Variants in IFNAR1 observed in about 807,000 individuals in gnomAD.
IFNAR1 encodes interferon alpha and beta receptor subunit 1.
Under a neutral mutation model 62.1 loss-of-function variants are expected in IFNAR1, and 47 were observed. That is an observed-to-expected ratio of 0.76 (90% CI 0.60 to 0.97). The LOEUF (loss-of-function observed/expected upper bound fraction) is 0.97, where lower values mean the gene tolerates loss of function less well. Among genes scored for constraint, IFNAR1 ranks in the 50% least tolerant of loss-of-function variants. IFNAR1 has a pLI of 0.00. For synonymous variants in IFNAR1, 219 were observed against 226.9 expected (o/e 0.97, Z 0.31); for missense variants, 638 against 654.5 (o/e 0.97, Z 0.27).
intron 2 of IFNAR1, among the ~76,000 whole-genome samples, chr21:33,336,012 C>T (rs1027515281): frequency 2.1e-5 from 3 of 145,330 alleles, no homozygotes; most frequent in African/African-American, 5.1e-5. Flanking sequence ...CATGCTGGTG[C>T]GCTGCACCCA....
In IFNAR1 at chr21:33,356,549, T is replaced by C. The variant is rs1231097879; in HGVS notation, c.*1000T>C. ...ATTAAAGCCAGGCAATCTTTTACTATGCATTAAGACCTCTGATTCAAAACT... is the reference window on the plus strand; with the variant it reads ...ATTAAAGCCAGGCAATCTTTTACTACGCATTAAGACCTCTGATTCAAAACT... On this transcript the variant is annotated 3_prime_UTR_variant, in exon 11 of 11. Transcript: ENST00000270139. 6.6e-6 allele frequency: 1 copy of C among 152,224 alleles called. No homozygotes were observed. The highest frequency in any genetic ancestry group is 1.5e-5 in the Non-Finnish European group (1 of 68,036). 9.4% of individuals were successfully genotyped at this position (152,224 alleles called of 1,614,324 possible). A position where few individuals can be genotyped will look rare whatever the true frequency, so the allele number is the denominator to read the frequency against.
At chr21:33,348,044 AAG>A (rs2123258826) in intron 6 of IFNAR1, among the ~76,000 whole-genome samples, 2 of 152,284 alleles carry the variant, frequency 1.3e-5, no homozygotes, top group East Asian at 3.9e-4. Context: ...GGAGACACTA[AAG>A]AGAGATAAGG....
chr21:33,348,946 T>G, intron 6 of IFNAR1, 145 bp from the exon 7 acceptor site: 1 of 570,068 alleles, frequency 1.8e-6, no homozygotes, highest in Non-Finnish European at 3.1e-6. Context: ...TTCTTTTATG[T>G]TAGATGCATA....
chr21:33,328,125 TTTTG>T (rs1320557849), intron 1 of IFNAR1, among the ~76,000 whole-genome samples: 8 of 152,190 alleles, frequency 5.3e-5, no homozygotes, highest in Non-Finnish European at 7.3e-5. Flanking sequence ...CTTTCTGTTT[TTTTG>T]TTTGTTTGTT....
chr21:33,334,158 A>G (rs181581553), intron 1 of IFNAR1, among the ~76,000 whole-genome samples: 2 of 152,292 alleles, frequency 1.3e-5, no homozygotes, highest in African/African-American at 2.4e-5. Context: ...TGTACCCAAC[A>G]CCAGAGCACC....
Position 33,340,517 on chromosome 21 carries a change from C to G in IFNAR1, c.201-482C>G, listed in dbSNP as rs150553061. ...AGGACTGTGGGCATGTGCCACCATG[C>G]CCTGCTTTGCCTTTTTTTTTTTTTA... On this transcript the variant is annotated intron_variant, in intron 2 of 10. Transcript: ENST00000270139. Among the ~76,000 whole-genome samples the G allele has an allele frequency of 7.2e-5, 11 of 151,776 alleles. No individual in the cohort carries two copies. The East Asian group carries it at 2.1e-3, about 29-fold the overall frequency.
chr21:33,345,312 A>G lies in IFNAR1; in HGVS notation c.740A>G (p.Lys247Arg). 6.2e-7 allele frequency: 1 copy of G among 1,607,694 alleles called. No homozygotes were observed. Among genetic ancestry groups the G allele is most frequent in the Non-Finnish European group, 8.5e-7 (1 of 1,174,646 alleles). The change falls in exon 6 of 11, where the codon AAA becomes AGA. Residue 247 changes from lysine (K) to arginine (R), a missense_variant. By Grantham distance (26) the Lys-to-Arg change is conservative. Coordinates refer to ENST00000270139, the MANE Select transcript of IFNAR1 (RefSeq NM_000629.3). The part of the protein sequence containing the change: ...VSVQNQNYVL[K>R]WDYTYANMTF... ...GTCCAAAATCAGAACTATGTTCTTA[A>G]ATGGGATTATACATATGCAAACATG...
At chr21:33,352,944 C>T (rs766274689) in intron 9 of IFNAR1, 36 bp downstream of exon 9, 31 of 1,487,056 alleles carry the variant, frequency 2.1e-5, no homozygotes, top group Non-Finnish European at 1.1e-5. Context: ...AAAAATGTAG[C>T]TAGACATAAT....
chr21:33,345,282 T>C lies in IFNAR1; in HGVS notation c.710T>C (p.Val237Ala). 1 of 1,602,832 alleles carries C rather than the reference T, an allele frequency of 6.2e-7. No homozygotes were observed. Among genetic ancestry groups the C allele is most frequent in the Non-Finnish European group, 8.5e-7 (1 of 1,170,662 alleles). Residue 237 changes from valine (V) to alanine (A), a missense_variant, in exon 6 of 11, where the codon GTC (valine) becomes GCC (alanine). Val to Ala is a moderately conservative substitution (Grantham distance 64, BLOSUM62 0). Coordinates refer to ENST00000270139, the MANE Select transcript of IFNAR1 (RefSeq NM_000629.3). ...CTACCTCCACCAGAAAATATAGAAGTCAGTGTCCAAAATCAGAACTATGTT... is the reference window on the plus strand; with the variant it reads ...CTACCTCCACCAGAAAATATAGAAGCCAGTGTCCAAAATCAGAACTATGTT... ...NELPPPENIE[V>A]SVQNQNYVLK...
chr21:33,325,277 C>T (rs1202947233), intron 1 of IFNAR1, 146 bp downstream of exon 1: 3 of 706,108 alleles, frequency 4.2e-6, no homozygotes, highest in African/African-American at 1.8e-5. Flanking sequence ...TTAAACCCGA[C>T]CTGGGCTCGC....
Position 33,345,228 on chromosome 21 carries a change from C to A in IFNAR1, c.674-18C>A. 8.4e-7 allele frequency: 1 copy of A among 1,189,270 alleles called. No homozygotes were observed. The highest frequency in any genetic ancestry group is 1.2e-6 in the Non-Finnish European group (1 of 806,698). 73.7% of individuals were successfully genotyped at this position (1,189,270 alleles called of 1,614,324 possible). Reference sequence around the variant, plus strand: ...AGTAAAAATGTGTGCTTTTTTTTATCTGTTCTTTGGCTTCTAGTTGAAAAT... The same window carrying A: ...AGTAAAAATGTGTGCTTTTTTTTATATGTTCTTTGGCTTCTAGTTGAAAAT... On this transcript the variant is annotated intron_variant, in intron 5 of 10. Transcript: ENST00000270139.
chr21:33,333,190 G>A (rs2083197791), intron 1 of IFNAR1, among the ~76,000 whole-genome samples: 1 of 152,220 alleles, frequency 6.6e-6, no homozygotes, highest in Non-Finnish European at 1.5e-5. Flanking sequence ...TGCAGAAGAG[G>A]ATGGGATGAT....
chr21:33,332,886 T>C (rs2083195357), intron 1 of IFNAR1, among the ~76,000 whole-genome samples: 1 of 152,182 alleles, frequency 6.6e-6, no homozygotes, highest in Non-Finnish European at 1.5e-5. Context: ...ACGTTCATAC[T>C]ATGTAAGTTA....
At chr21:33,348,294 T>C (rs2083367747) in intron 6 of IFNAR1, among the ~76,000 whole-genome samples, 1 of 152,212 alleles carries the variant, frequency 6.6e-6, no homozygotes, top group African/African-American at 2.4e-5. Context: ...TTTTATGATA[T>C]AAATATTCCC....
chr21:33,354,554 C>CT (rs202099507), intron 10 of IFNAR1, among the ~76,000 whole-genome samples: 6,911 of 152,100 alleles, frequency 0.045, 539 homozygotes, highest in African/African-American at 0.16. Context: ...AAACATGAGA[C>CT]TTTTTTTATG....
Position 33,352,823 on chromosome 21 carries a change from T to C in IFNAR1, c.1209T>C (p.Cys403=). ...ATTTGAAACCACTGACTGTATATTG[T>C]GTGAAAGCCAGAGCACACACCATGG... The part of the protein sequence containing the change: ...VPNLKPLTVY[C]VKARAHTMDE... Residue 403 remains cysteine, a synonymous_variant, in exon 9 of 11, where the codon TGT becomes TGC. Coordinates refer to ENST00000270139, the MANE Select transcript of IFNAR1 (RefSeq NM_000629.3). 6.3e-7 allele frequency: 1 copy of C among 1,599,014 alleles called. No individual in the cohort carries two copies. The highest frequency in any genetic ancestry group is 8.6e-7 in the Non-Finnish European group (1 of 1,168,728).
chr21:33,340,825 T>G (rs1201514557), intron 2 of IFNAR1, among the ~76,000 whole-genome samples, 174 bp from the exon 3 acceptor site: 1 of 152,170 alleles, frequency 6.6e-6, no homozygotes, highest in Non-Finnish European at 1.5e-5. Flanking sequence ...GCTAAAATGT[T>G]AATAGGACAT....
At chr21:33,349,367 T>C (rs1458460326) in intron 7 of IFNAR1, 22 bp from the exon 8 acceptor site, 1 of 1,578,396 alleles carries the variant, frequency 6.3e-7, no homozygotes, top group Middle Eastern at 1.7e-4. Flanking sequence ...TTGAACATTA[T>C]TTCTTTACAA....
intron 8 of IFNAR1, among the ~76,000 whole-genome samples, chr21:33,351,393 T>C (rs1399050719): frequency 6.6e-6 from 1 of 152,170 alleles, no homozygotes; most frequent in Non-Finnish European, 1.5e-5. Context: ...CAAGGAGGAT[T>C]AGAGGCTGCT....
Sources: gnomAD v4.1 joint callset for allele counts (sites outside exome capture counted in the v4.1 genomes callset) on GRCh38, gnomAD v4.1.1 for gene constraint, MANE v1.5 for transcripts, NCBI Gene and HGNC (gene_info 2026-07-23, HGNC 2026-07-21) for gene names.